ABL1: variants seen among roughly 807,000 people sequenced by gnomAD.
ABL1 encodes the protein tyrosine-protein kinase ABL1.
A neutral mutation model predicts 94.7 loss-of-function variants in ABL1; 11 were observed. The ratio of observed to expected loss-of-function variants is 0.12; its 90% CI spans 0.07 to 0.19. ABL1 has a LOEUF of 0.19. ABL1 is among the 10% of genes least tolerant of loss of function. The probability of loss-of-function intolerance (pLI) is 1.00; values close to 1 mark genes in which losing one functional copy is unlikely to be tolerated. For synonymous variants in ABL1, 656 were observed against 622.4 expected (o/e 1.05, Z -0.80); for missense variants, 1,082 against 1,489.4 (o/e 0.73, Z 4.50).
chr9:130,855,210 A>C, intron 3 of ABL1, 114 bp downstream of exon 3: 1 of 1,247,950 alleles, frequency 8.0e-7, no homozygotes, highest in Non-Finnish European at 1.1e-6. Context: ...TGTTTAAAGA[A>C]TCTTTCAGGT....
intron 1 of ABL1, among the ~76,000 whole-genome samples, chr9:130,750,989 A>T (rs768364734): frequency 1.8e-4 from 27 of 151,688 alleles, no homozygotes; most frequent in Non-Finnish European, 3.8e-4. Context: ...GGATTGAGGT[A>T]GTTGTAGAGG....
At chr9:130,878,311 G>C (rs1487469471) in intron 7 of ABL1, 104 bp from the exon 8 acceptor site, 1 of 1,348,986 alleles carries the variant, frequency 7.4e-7, no homozygotes. Flanking sequence ...GCTGCTGCTG[G>C]GGCCATCCCT....
intron 1 of ABL1, among the ~76,000 whole-genome samples, chr9:130,825,742 C>A (rs1045125231): frequency 2.0e-5 from 3 of 152,288 alleles, no homozygotes; most frequent in Admixed American, 2.0e-4. Flanking sequence ...ATGGCAAAAT[C>A]TCTTTAAGTT....
At chr9:130,806,087 A>G (rs1830120605) in intron 1 of ABL1, among the ~76,000 whole-genome samples, 1 of 152,192 alleles carries the variant, frequency 6.6e-6, no homozygotes, top group African/African-American at 2.4e-5. Flanking sequence ...TGAGAGTTAC[A>G]ATAGTTAGTG....
chr9:130,783,143 C>T (rs1829779737), intron 1 of ABL1, among the ~76,000 whole-genome samples: 2 of 152,176 alleles, frequency 1.3e-5, no homozygotes, highest in African/African-American at 4.8e-5. Context: ...AATTATGACC[C>T]ATTTGGTGAA....
chr9:130,851,462 A>G (rs934780857), intron 1 of ABL1, among the ~76,000 whole-genome samples: 1 of 152,144 alleles, frequency 6.6e-6, no homozygotes, highest in African/African-American at 2.4e-5. Flanking sequence ...TTCATGGTTT[A>G]TGTTCTGTTG....
intron 8 of ABL1, among the ~76,000 whole-genome samples, chr9:130,878,816 AG>A (rs1283690704): frequency 6.6e-6 from 1 of 152,122 alleles, no homozygotes; most frequent in Non-Finnish European, 1.5e-5. Flanking sequence ...TCCTAAATAC[AG>A]ATTCCTGGGC....
At chr9:130,876,579 G>C (rs557005570) in intron 7 of ABL1, among the ~76,000 whole-genome samples, 1 of 150,400 alleles carries the variant, frequency 6.6e-6, no homozygotes, top group East Asian at 1.9e-4. Flanking sequence ...CACCACGCCT[G>C]GCTAAATTTT....
intron 1 of ABL1, among the ~76,000 whole-genome samples, chr9:130,744,866 A>C (rs1329616204): frequency 6.6e-6 from 1 of 151,330 alleles, no homozygotes; most frequent in Non-Finnish European, 1.5e-5. Flanking sequence ...CAAAAAAAAA[A>C]AAAAAAACAA....
At chr9:130,725,542 G>A (rs1255800698) in intron 1 of ABL1, among the ~76,000 whole-genome samples, 1 of 151,944 alleles carries the variant, frequency 6.6e-6, no homozygotes, top group Admixed American at 6.6e-5. Flanking sequence ...CACCATGCCT[G>A]GCTAATTTTG....
At chr9:130,853,936 G>C in intron 1 of ABL1, 128 bp from the exon 2 acceptor site, 1 of 957,656 alleles carries the variant, frequency 1.0e-6, no homozygotes, top group Non-Finnish European at 1.5e-6. Flanking sequence ...ATGTACAGAT[G>C]TTAAGAAATG....
At chr9:130,743,449 C>A (rs1473378022) in intron 1 of ABL1, among the ~76,000 whole-genome samples, 1 of 152,204 alleles carries the variant, frequency 6.6e-6, no homozygotes, top group Non-Finnish European at 1.5e-5. Flanking sequence ...TCCTGGTATT[C>A]CTGGCTCTTT....
chr9:130,793,625 G>A (rs988374800), intron 1 of ABL1, among the ~76,000 whole-genome samples: 6 of 152,118 alleles, frequency 3.9e-5, no homozygotes, highest in African/African-American at 1.4e-4. Context: ...CTTGAAAAGA[G>A]GCAGGTAAAC....
At chr9:130,786,188 G>A (rs1433120952) in intron 1 of ABL1, among the ~76,000 whole-genome samples, 2 of 152,210 alleles carry the variant, frequency 1.3e-5, no homozygotes, top group Non-Finnish European at 2.9e-5. Flanking sequence ...CAGGGCCAGG[G>A]AAACATCTGA....
chr9:130,750,014 A>C (rs1017895055), intron 1 of ABL1, among the ~76,000 whole-genome samples: 2 of 151,068 alleles, frequency 1.3e-5, no homozygotes, highest in African/African-American at 4.9e-5. Context: ...TCTCTACAAA[A>C]ATTGAAAAAA....
chr9:130,741,583 G>A (rs1387586529), intron 1 of ABL1, among the ~76,000 whole-genome samples: 2 of 151,924 alleles, frequency 1.3e-5, no homozygotes, highest in African/African-American at 4.8e-5. Context: ...CCATGCCAGA[G>A]TAACAGTTAC....
chr9:130,739,424 AC>A (rs1044514278), intron 1 of ABL1, among the ~76,000 whole-genome samples: 9 of 151,342 alleles, frequency 5.9e-5, no homozygotes, highest in African/African-American at 2.2e-4. Context: ...ATGGAGAAAA[AC>A]CTTCAGGAAA....
At chr9:130,780,613 C>T (rs1475538057) in intron 1 of ABL1, among the ~76,000 whole-genome samples, 1 of 152,208 alleles carries the variant, frequency 6.6e-6, no homozygotes, top group Non-Finnish European at 1.5e-5. Flanking sequence ...CTCCCTCTCT[C>T]CTCTGCCTGG....
chr9:130,815,743 C>T (rs775352172), intron 1 of ABL1, among the ~76,000 whole-genome samples: 4 of 152,100 alleles, frequency 2.6e-5, no homozygotes, highest in Non-Finnish European at 5.9e-5. Context: ...CACCAGAGGC[C>T]GGGTGCAGTG....
Sources: allele counts gnomAD v4.1 joint callset (sites outside exome capture counted in the v4.1 genomes callset), GRCh38; gene constraint gnomAD v4.1.1; transcripts MANE v1.5; gene names NCBI Gene and HGNC (gene_info 2026-07-23, HGNC 2026-07-21).